The following MYRIP variants were observed in gnomAD, a reference collection of about 807,000 sequenced individuals.
The protein encoded by MYRIP is myosin VIIA and Rab interacting protein.
Under a neutral mutation model 98.0 loss-of-function variants are expected in MYRIP, and 49 were observed. The observed-to-expected ratio is 0.50, with a 90% CI of 0.40 to 0.63. The LOEUF is 0.63. Ranked by LOEUF, MYRIP falls within the 30% of genes least tolerant of loss-of-function variation. MYRIP has a pLI of 0.00. For synonymous variants in MYRIP, 404 were observed against 409.5 expected (o/e 0.99, Z 0.16); for missense variants, 1,004 against 1,058.2 (o/e 0.95, Z 0.71).
At chr3:39,962,177 A>G (rs1356658316) in intron 2 of MYRIP, among the ~76,000 whole-genome samples, 1 of 152,130 alleles carries the variant, frequency 6.6e-6, no homozygotes, top group Non-Finnish European at 1.5e-5. Context: ...TAGGATGGTT[A>G]TAATAATACC....
At chr3:39,815,378 T>C (rs984182626) in intron 1 of MYRIP, among the ~76,000 whole-genome samples, 3 of 152,184 alleles carry the variant, frequency 2.0e-5, no homozygotes, top group African/African-American at 7.2e-5. Context: ...TTCCTTTTTA[T>C]TGGTGTATTT....
chr3:40,010,224 T>C (rs1946732074), intron 2 of MYRIP, among the ~76,000 whole-genome samples: 1 of 152,186 alleles, frequency 6.6e-6, no homozygotes, highest in Admixed American at 6.5e-5. Context: ...TTTCTGGGAA[T>C]TTGCTAGACA....
chr3:39,856,825 T>C lies in MYRIP; in HGVS notation c.-30-43962T>C, dbSNP rs115148657. ...TGAAGAGATAATTAACTCCCCGATATGCAGACATTGATGTAAGGATATGAG... is the reference window on the plus strand; with the variant it reads ...TGAAGAGATAATTAACTCCCCGATACGCAGACATTGATGTAAGGATATGAG... On this transcript the variant is annotated intron_variant, in intron 1 of 16. Coordinates refer to ENST00000302541, the MANE Select transcript of MYRIP (RefSeq NM_015460.4). Among the ~76,000 whole-genome samples, 350 of 152,244 alleles carry C rather than the reference T, an allele frequency of 2.3e-3. 1 individual carries two copies. The highest frequency in any genetic ancestry group is 4.2e-3 in the Non-Finnish European group (285 of 68,010).
intron 2 of MYRIP, among the ~76,000 whole-genome samples, chr3:39,953,854 G>T (rs1177359581): frequency 2.0e-5 from 3 of 152,164 alleles, no homozygotes; most frequent in Non-Finnish European, 4.4e-5. Flanking sequence ...GGCATACCAG[G>T]AGATTATATC....
intron 3 of MYRIP, among the ~76,000 whole-genome samples, chr3:40,076,390 G>A (rs1026477791): frequency 6.6e-6 from 1 of 152,164 alleles, no homozygotes; most frequent in African/African-American, 2.4e-5. Context: ...ACATTTGACT[G>A]CATATTAGAA....
intron 2 of MYRIP, among the ~76,000 whole-genome samples, chr3:39,997,360 C>T (rs190595052): frequency 6.6e-5 from 10 of 151,910 alleles, no homozygotes; most frequent in South Asian, 2.1e-4. Context: ...ATATCACCAC[C>T]GATCCCACAG....
chr3:40,248,874 G>C (rs1314677856), intron 13 of MYRIP, among the ~76,000 whole-genome samples: 1 of 152,228 alleles, frequency 6.6e-6, no homozygotes, highest in Admixed American at 6.5e-5. Flanking sequence ...AGGAAGGGAA[G>C]GACTCAAGTG....
chr3:40,062,469 G>T (rs1405869520), intron 3 of MYRIP, among the ~76,000 whole-genome samples: 1 of 152,074 alleles, frequency 6.6e-6, no homozygotes, highest in Non-Finnish European at 1.5e-5. Context: ...AACATTAAAA[G>T]ATATTAAAAG....
chr3:39,823,018 CTTTTTTT>C (rs35819968), intron 1 of MYRIP, among the ~76,000 whole-genome samples: 35 of 123,300 alleles, frequency 2.8e-4, no homozygotes, highest in Non-Finnish European at 3.8e-4. Context: ...TCTTTTCTTC[CTTTTTTT>C]TTTTTTTTTT....
intron 13 of MYRIP, chr3:40,248,443 C>A (rs908684681): frequency 6.6e-6 from 1 of 152,196 alleles, no homozygotes; most frequent in East Asian, 1.9e-4. Context: ...CCCCTTCTAG[C>A]AAATGTATAG....
chr3:40,091,948 T>C (rs1383777569), intron 3 of MYRIP, among the ~76,000 whole-genome samples: 2 of 152,200 alleles, frequency 1.3e-5, no homozygotes, highest in Non-Finnish European at 2.9e-5. Context: ...GTGCCAAGTA[T>C]TGAATTTGCA....
chr3:39,816,188 TCTC>T (rs1940904130), intron 1 of MYRIP, among the ~76,000 whole-genome samples: 2 of 152,000 alleles, frequency 1.3e-5, no homozygotes. Context: ...TTCACACCAT[TCTC>T]CTGCCTCAGC....
chr3:39,850,433 C>A (rs1575303744), intron 1 of MYRIP, among the ~76,000 whole-genome samples: 1 of 152,212 alleles, frequency 6.6e-6, no homozygotes, highest in Non-Finnish European at 1.5e-5. Context: ...ACTAGGAGAA[C>A]CTTCTGAGGT....
chr3:39,970,071 C>T (rs1945542810), intron 2 of MYRIP: 1 of 152,048 alleles, frequency 6.6e-6, no homozygotes, highest in Admixed American at 6.6e-5. Flanking sequence ...AGTAATTCAT[C>T]TGTCTCTTCT....
intron 1 of MYRIP, among the ~76,000 whole-genome samples, chr3:39,898,489 A>C (rs1021008159): frequency 1.3e-5 from 2 of 152,094 alleles, no homozygotes; most frequent in Non-Finnish European, 2.9e-5. Flanking sequence ...CCTATTCTTA[A>C]TCATTACAGG....
At chr3:40,211,215 C>T (rs1951918775) in intron 11 of MYRIP, among the ~76,000 whole-genome samples, 1 of 152,156 alleles carries the variant, frequency 6.6e-6, no homozygotes, top group South Asian at 2.1e-4. Context: ...TCTATTTTAT[C>T]TTCAGAGTGA....
chr3:39,838,789 A>G (rs1941705517), intron 1 of MYRIP, among the ~76,000 whole-genome samples: 1 of 152,094 alleles, frequency 6.6e-6, no homozygotes, highest in South Asian at 2.1e-4. Flanking sequence ...GAATGGTACC[A>G]GCTCCTCTTT....
intron 1 of MYRIP, among the ~76,000 whole-genome samples, chr3:39,889,948 A>G (rs141249909): frequency 0.013 from 1,989 of 152,280 alleles, 22 homozygotes; most frequent in Non-Finnish European, 0.021. Context: ...AACTGAATCA[A>G]TAACTTAAAG....
At chr3:40,189,697 G>A in intron 9 of MYRIP, 129 bp from the exon 10 acceptor site, 1 of 990,890 alleles carries the variant, frequency 1.0e-6, no homozygotes, top group Middle Eastern at 3.3e-4. Flanking sequence ...TGCCTTCCTG[G>A]GCTTCCTAAA....
Sources: allele counts gnomAD v4.1 joint callset (sites outside exome capture counted in the v4.1 genomes callset), GRCh38; gene constraint gnomAD v4.1.1; transcripts MANE v1.5; gene names NCBI Gene and HGNC (gene_info 2026-07-23, HGNC 2026-07-21).